MRPS33: variants seen among roughly 807,000 people sequenced by gnomAD.
The protein encoded by MRPS33 is small ribosomal subunit protein mS33.
MRPS33 carries 11 observed loss-of-function variants against 11.2 expected under a neutral mutation model. The observed-to-expected ratio is 0.99, with a 90% confidence interval of 0.62 to 1.63. MRPS33 has a LOEUF of 1.63. Among genes scored for constraint, MRPS33 ranks in the 40% most tolerant of loss-of-function variants. The probability of loss-of-function intolerance (pLI) is 0.00; values close to 1 mark genes in which losing one functional copy is unlikely to be tolerated. For missense variants in MRPS33, 109 were observed against 127.8 expected, an observed-to-expected ratio of 0.85 and a Z score of 0.71; for synonymous variants, 46 against 44.0, an observed-to-expected ratio of 1.05 and a Z score of -0.18.
Position 141,002,696 on chromosome 7 carries a change from T to C in MRPS33, c.*3734A>G, listed in dbSNP as rs1448512488. On this transcript the variant is annotated 3_prime_UTR_variant, in exon 3 of 3. Coordinates refer to ENST00000324787, the MANE Select transcript of MRPS33 (RefSeq NM_053035.3). ...TATATATGTTTAAATATATGATGCC[T>C]TATGTTTATTTTGAAACACACACAT... is the stretch of plus-strand genomic sequence containing the variant. 2 of 201,176 alleles carry C rather than the reference T, an allele frequency of 9.9e-6. No homozygotes were observed. The highest frequency in any genetic ancestry group is 4.7e-5 in the African/African-American group (2 of 42,786). The allele number at this position is 201,176 out of a possible 1,614,324, so 12.5% of individuals were successfully genotyped here. A position where few individuals can be genotyped will look rare whatever the true frequency, so the allele number is the denominator to read the frequency against.
At chr7:141,007,295 T>C (rs1247910394) in intron 2 of MRPS33, among the ~76,000 whole-genome samples, 1 of 152,178 alleles carries the variant, frequency 6.6e-6, no homozygotes, top group African/African-American at 2.4e-5. Context: ...CTTACCTCCC[T>C]GCACCTTAGT....
rs993360608 is a variant in MRPS33, at chr7:141,006,310, T to G, written c.*120A>C. On this transcript the variant is annotated 3_prime_UTR_variant, in exon 3 of 3. Coordinates refer to ENST00000324787, the MANE Select transcript of MRPS33 (RefSeq NM_053035.3). Reference sequence around the variant, plus strand: ...TTAGATTTCACCAAGGAGATGACTGTGTTCCTCCAAATAAACTTCATTTAG... The same window carrying G: ...TTAGATTTCACCAAGGAGATGACTGGGTTCCTCCAAATAAACTTCATTTAG... 1.8e-5 allele frequency: 15 copies of G among 837,402 alleles called. No homozygotes were observed. The highest frequency in any genetic ancestry group is 5.1e-5 in the African/African-American group (3 of 58,966). 51.9% of individuals were successfully genotyped at this position (837,402 alleles called of 1,614,324 possible).
At chr7:141,007,399 A>G (rs759522452) in intron 2 of MRPS33, among the ~76,000 whole-genome samples, 1 of 152,204 alleles carries the variant, frequency 6.6e-6, no homozygotes, top group Non-Finnish European at 1.5e-5. Flanking sequence ...TAGGCTATCC[A>G]TGAACATCAT....
Position 141,006,419 on chromosome 7 carries a change from AGG to A in MRPS33, c.*9_*10del, listed in dbSNP as rs779786787. On this transcript the variant is annotated 3_prime_UTR_variant, in exon 3 of 3. Transcript: ENST00000324787. ...ACTGAGGAAGAAAGTCTCCCTCTTG[AGG>A]GACCAACACTATTTCCTTTTTGCTG... 2 of 1,608,054 alleles carry A rather than the reference AGG, an allele frequency of 1.2e-6. No homozygotes were observed. The highest frequency in any genetic ancestry group is 1.7e-6 in the Non-Finnish European group (2 of 1,176,490).
chr7:141,013,959 T>A (rs898567522), intron 1 of MRPS33, among the ~76,000 whole-genome samples: 1 of 152,168 alleles, frequency 6.6e-6, no homozygotes, highest in African/African-American at 2.4e-5. Flanking sequence ...TTGAAAACAG[T>A]GGAAGTGTAC....
At chr7:141,010,681 G>C (rs758681487) in intron 1 of MRPS33, 21 bp from the exon 2 acceptor site, 1 of 1,543,524 alleles carries the variant, frequency 6.5e-7, no homozygotes, top group Non-Finnish European at 9.0e-7. Context: ...TGAGAAGAAA[G>C]TTAAACAGGT....
In MRPS33 at chr7:141,006,159, C is replaced by A. The variant is rs536610463; in HGVS notation, c.*271G>T. 21 of 428,724 alleles carry A rather than the reference C, an allele frequency of 4.9e-5. No homozygotes were observed. The highest frequency in any genetic ancestry group is 1.2e-4 in the South Asian group (4 of 34,452). 26.6% of individuals were successfully genotyped at this position (428,724 alleles called of 1,614,324 possible). On this transcript the variant is annotated 3_prime_UTR_variant, in exon 3 of 3. Coordinates refer to ENST00000324787, the MANE Select transcript of MRPS33 (RefSeq NM_053035.3). ...GCATCCCATCCCACCCCAAACAAAT[C>A]ATCAAACAATAACTTAGGTATTTAT...
At position 141,005,821 on chromosome 7, in the gene MRPS33, A is replaced by G. The variant is rs1044727017; in HGVS notation, c.*609T>C. On this transcript the variant is annotated 3_prime_UTR_variant, in exon 3 of 3. Coordinates refer to ENST00000324787, the MANE Select transcript of MRPS33 (RefSeq NM_053035.3). Reference sequence around the variant, plus strand: ...ATTATGTAATATTAGTCCCTCCCACAAGACTGAAACTTACATGAGGTAGGG... The same window carrying G: ...ATTATGTAATATTAGTCCCTCCCACGAGACTGAAACTTACATGAGGTAGGG... 2.6e-5 allele frequency: 4 copies of G among 152,480 alleles called. No individual in the cohort carries two copies. The highest frequency in any genetic ancestry group is 9.7e-5 in the African/African-American group (4 of 41,430). 9.4% of individuals were successfully genotyped at this position (152,480 alleles called of 1,614,324 possible).
At chr7:141,007,388 C>T (rs1369012925) in intron 2 of MRPS33, among the ~76,000 whole-genome samples, 3 of 152,142 alleles carry the variant, frequency 2.0e-5, no homozygotes, top group African/African-American at 7.2e-5. Flanking sequence ...TTTTAACTCT[C>T]TAGGCTATCC....
At position 141,006,285 on chromosome 7, in the gene MRPS33, T is replaced by G; in HGVS notation, c.*145A>C. 2 of 711,680 alleles carry G rather than the reference T, an allele frequency of 2.8e-6. No homozygotes were observed. The highest frequency in any genetic ancestry group is 4.7e-6 in the Non-Finnish European group (2 of 428,170). The allele number at this position is 711,680 out of a possible 1,614,324, so 44.1% of individuals were successfully genotyped here. On this transcript the variant is annotated 3_prime_UTR_variant, in exon 3 of 3. Transcript: ENST00000324787. ...AGAAACCAGCCACAATGTAACCGGA[T>G]TAGATTTCACCAAGGAGATGACTGT...
rs1254139393 is a variant in MRPS33, at chr7:141,005,457, GATT to G, written c.*970_*972del. 1.3e-5 allele frequency: 2 copies of G among 152,086 alleles called. No individual in the cohort carries two copies. The highest frequency in any genetic ancestry group is 3.9e-4 in the East Asian group (2 of 5,172). 9.4% of individuals were successfully genotyped at this position (152,086 alleles called of 1,614,324 possible). A position where few individuals can be genotyped will look rare whatever the true frequency, so the allele number is the denominator to read the frequency against. On this transcript the variant is annotated 3_prime_UTR_variant, in exon 3 of 3. Coordinates refer to ENST00000324787, the MANE Select transcript of MRPS33 (RefSeq NM_053035.3). ...CAACCTTTGCCTCCCGGGTTCAAGC[GATT>G]CTCCTGCCTCAGCATCCCGAGTAGC...
rs372380228 is a variant in MRPS33 at position 141,010,459 on chromosome 7, C to T, written c.175G>A (p.Ala59Thr). 3.2e-5 allele frequency: 51 copies of T among 1,614,124 alleles called. No homozygotes were observed. The highest frequency in any genetic ancestry group is 2.4e-4 in the African/African-American group (18 of 75,026). ...AATCGGAGCGTCTGCATGAGTTCAG[C>T]GTAAGTGTGGTGATTTGGATACCAA... Reference protein sequence around the residue: ...YDWYPNHHTYAELMQTLRFLG... With the variant: ...YDWYPNHHTYTELMQTLRFLG... Residue 59 changes from alanine to threonine, a missense_variant, in exon 2 of 3, where the codon GCT (alanine) becomes ACT (threonine). Physicochemically the swap from Ala to Thr is moderately conservative, Grantham distance 58 (BLOSUM62 0). Transcript: ENST00000324787.
Position 141,006,369 on chromosome 7 carries a change from A to G in MRPS33, c.*61T>C, listed in dbSNP as rs886668646. The G allele has an allele frequency of 7.8e-6, 11 of 1,402,734 alleles. No individual in the cohort carries two copies. In the African/African-American group the frequency reaches 1.4e-4, roughly 18 times the overall value. 86.9% of individuals were successfully genotyped at this position (1,402,734 alleles called of 1,614,324 possible). ...CATTCCTCCAATAGGTGGAAAGACAATAAATGCACTTTCTTCTCTCCGCCA... is the reference window on the plus strand; with the variant it reads ...CATTCCTCCAATAGGTGGAAAGACAGTAAATGCACTTTCTTCTCTCCGCCA... On this transcript the variant is annotated 3_prime_UTR_variant, in exon 3 of 3. Coordinates refer to ENST00000324787, the MANE Select transcript of MRPS33 (RefSeq NM_053035.3).
At chr7:141,007,575 A>C (rs150127928) in intron 2 of MRPS33, among the ~76,000 whole-genome samples, 31 of 152,270 alleles carry the variant, frequency 2.0e-4, no homozygotes, top group South Asian at 1.5e-3. Flanking sequence ...TGTCCTTACT[A>C]TGGCTTCACA....
intron 2 of MRPS33, among the ~76,000 whole-genome samples, chr7:141,008,400 C>T (rs1404478586): frequency 6.6e-6 from 1 of 152,120 alleles, no homozygotes; most frequent in Non-Finnish European, 1.5e-5. Context: ...ATTTTCTGAG[C>T]CCAGACTAAT....
rs56343833 is a variant in MRPS33 at position 141,012,173 on chromosome 7, C to CAAAAAAAAAAAAA, written c.-27-1526_-27-1514dup. Among the ~76,000 whole-genome samples, 168 of 58,760 alleles carry CAAAAAAAAAAAAA rather than the reference C, an allele frequency of 2.9e-3. 46 individuals are homozygous for CAAAAAAAAAAAAA. The highest frequency in any genetic ancestry group is 4.8e-3 in the African/African-American group (60 of 12,478). The allele number at this position is 58,760 out of a possible 152,430, so 38.5% of individuals were successfully genotyped here. On this transcript the variant is annotated intron_variant, in intron 1 of 2. Transcript: ENST00000324787. ...TGAGTGACAGAGCAAGATTGTGTGT[C>CAAAAAAAAAAAAA]AAAAAAAAAAAAAAAAAAAAAGCAG...
At chr7:141,007,617 C>T (rs1373379681) in intron 2 of MRPS33, among the ~76,000 whole-genome samples, 2 of 152,232 alleles carry the variant, frequency 1.3e-5, no homozygotes, top group African/African-American at 2.4e-5. Flanking sequence ...GTCCCACACC[C>T]TCCCGGTACC....
At chr7:141,014,281 C>G (rs941909327) in intron 1 of MRPS33, 2 of 152,130 alleles carry the variant, frequency 1.3e-5, no homozygotes, top group African/African-American at 4.8e-5. Context: ...AGTGTACACA[C>G]GTTGTCATAG....
intron 1 of MRPS33, chr7:141,014,215 A>G (rs1163888566): frequency 2.0e-5 from 3 of 152,152 alleles, no homozygotes; most frequent in Non-Finnish European, 4.4e-5. Context: ...TAATATGCAA[A>G]ATTCACGGCA....
Sources: gnomAD v4.1 joint callset for allele counts (sites outside exome capture counted in the v4.1 genomes callset) on GRCh38, gnomAD v4.1.1 for gene constraint, MANE v1.5 for transcripts, NCBI Gene and HGNC (gene_info 2026-07-23, HGNC 2026-07-21) for gene names.